Variants in RPS6KC1 observed in about 807,000 individuals in gnomAD.
The protein encoded by RPS6KC1 is ribosomal protein S6 kinase C1.
RPS6KC1 carries 54 observed loss-of-function variants against 103.8 expected under a neutral mutation model. The ratio of observed to expected loss-of-function variants is 0.52; its 90% CI spans 0.42 to 0.65. RPS6KC1 has a LOEUF of 0.65. Among genes scored for constraint, RPS6KC1 ranks in the 30% least tolerant of loss-of-function variants. RPS6KC1 has a pLI of 0.00. For missense variants in RPS6KC1, 1,151 were observed against 1,253.8 expected (o/e 0.92, Z 1.24); for synonymous variants, 439 against 438.7 (o/e 1.00, Z -0.01).
chr1:213,515,534 A>G, the RPS6KC1 span, among the ~76,000 whole-genome samples: 1 of 152,048 alleles, frequency 6.6e-6, no homozygotes, highest in Non-Finnish European at 1.5e-5. Context: ...AAGATCAGAT[A>G]GTTGTAGATA....
chr1:213,799,485 C>G, the RPS6KC1 span, among the ~76,000 whole-genome samples: 1 of 152,070 alleles, frequency 6.6e-6, no homozygotes, highest in African/African-American at 2.4e-5. Flanking sequence ...GGTCTTATTA[C>G]TAAACTATAT....
chr1:213,375,199 A>G, the RPS6KC1 span, among the ~76,000 whole-genome samples: 1 of 152,012 alleles, frequency 6.6e-6, no homozygotes, highest in East Asian at 1.9e-4. Context: ...ACATACACAT[A>G]TACACATATA....
At chr1:213,654,027 C>G in the RPS6KC1 span, among the ~76,000 whole-genome samples, 2 of 152,254 alleles carry the variant, frequency 1.3e-5, no homozygotes, top group African/African-American at 4.8e-5. Flanking sequence ...ATAGACCCTA[C>G]AGCCCCCATT....
chr1:213,407,084 G>A, the RPS6KC1 span, among the ~76,000 whole-genome samples: 16,963 of 152,126 alleles, frequency 0.11, 1,304 homozygotes, highest in Non-Finnish European at 0.17. Context: ...GGTCCTACCC[G>A]GAGGCCTGAC....
chr1:213,607,726 C>CAA, the RPS6KC1 span, among the ~76,000 whole-genome samples: 2 of 149,416 alleles, frequency 1.3e-5, no homozygotes, highest in African/African-American at 2.5e-5. Context: ...CACACACACA[C>CAA]AAAATAAATA....
At chr1:213,629,772 A>G in the RPS6KC1 span, among the ~76,000 whole-genome samples, 1 of 152,110 alleles carries the variant, frequency 6.6e-6, no homozygotes, top group Non-Finnish European at 1.5e-5. Context: ...CTTTTAGGGC[A>G]GGCCTGGTGG....
the RPS6KC1 span, among the ~76,000 whole-genome samples, chr1:213,713,890 G>A: frequency 2.0e-5 from 3 of 152,074 alleles, no homozygotes; most frequent in Non-Finnish European, 4.4e-5. Context: ...AATTTCATTG[G>A]TGCTTTCTGA....
chr1:213,712,045 C>G, the RPS6KC1 span, among the ~76,000 whole-genome samples: 1 of 152,200 alleles, frequency 6.6e-6, no homozygotes, highest in Non-Finnish European at 1.5e-5. Context: ...AAGCGCTGTG[C>G]CGGTACATCC....
the RPS6KC1 span, among the ~76,000 whole-genome samples, chr1:213,743,277 A>C: frequency 1.3e-5 from 2 of 152,222 alleles, no homozygotes; most frequent in East Asian, 3.9e-4. Flanking sequence ...TAAGCAAATT[A>C]GCACAGGAAT....
chr1:213,238,277 G>A (rs552001836), intron 10 of RPS6KC1, among the ~76,000 whole-genome samples: 13 of 152,214 alleles, frequency 8.5e-5, no homozygotes, highest in African/African-American at 2.9e-4. Flanking sequence ...TTCAAGAATA[G>A]GTAAGATTTT....
chr1:213,826,829 T>A, the RPS6KC1 span, among the ~76,000 whole-genome samples: 4 of 152,180 alleles, frequency 2.6e-5, no homozygotes, highest in Non-Finnish European at 5.9e-5. Flanking sequence ...CATAGAAAAG[T>A]TAAGCATCTT....
the RPS6KC1 span, among the ~76,000 whole-genome samples, chr1:213,668,342 C>T: frequency 2.0e-5 from 3 of 152,162 alleles, no homozygotes; most frequent in East Asian, 1.9e-4. Flanking sequence ...ATCAGCTTTC[C>T]GGTGACAAGG....
chr1:213,374,623 G>A, the RPS6KC1 span, among the ~76,000 whole-genome samples: 22 of 152,226 alleles, frequency 1.4e-4, 1 homozygote. Context: ...AAATGGCAAT[G>A]ACTTTGAGAA....
chr1:213,406,835 C>A, the RPS6KC1 span, among the ~76,000 whole-genome samples: 1 of 152,240 alleles, frequency 6.6e-6, no homozygotes, highest in South Asian at 2.1e-4. Context: ...GAGTATCGTG[C>A]CACATTGTTA....
At chr1:213,737,328 C>G in the RPS6KC1 span, among the ~76,000 whole-genome samples, 1 of 152,134 alleles carries the variant, frequency 6.6e-6, no homozygotes, top group African/African-American at 2.4e-5. Context: ...TGTTTCCAGT[C>G]ACATTGGGGA....
chr1:213,665,199 A>AAAC, the RPS6KC1 span, among the ~76,000 whole-genome samples: 64,958 of 150,966 alleles, frequency 0.43, 14,196 homozygotes, highest in South Asian at 0.52. Context: ...AAACAAGCAA[A>AAAC]AACAACAACA....
the RPS6KC1 span, among the ~76,000 whole-genome samples, chr1:213,580,334 A>G: frequency 1.3e-5 from 2 of 152,126 alleles, no homozygotes; most frequent in South Asian, 2.1e-4. Flanking sequence ...AATTGCTGCA[A>G]TCTTATGATA....
At chr1:213,646,772 A>G in the RPS6KC1 span, among the ~76,000 whole-genome samples, 1 of 152,048 alleles carries the variant, frequency 6.6e-6, no homozygotes, top group East Asian at 1.9e-4. Flanking sequence ...TGGGGAAGGC[A>G]TTGAATCCCC....
At chr1:213,360,652 G>GT in the RPS6KC1 span, among the ~76,000 whole-genome samples, 2 of 152,134 alleles carry the variant, frequency 1.3e-5, no homozygotes, top group Non-Finnish European at 2.9e-5. Context: ...AGAATTTTCA[G>GT]TTTTTTCTGT....
Sources: gnomAD v4.1 joint callset for allele counts (sites outside exome capture counted in the v4.1 genomes callset) on GRCh38, gnomAD v4.1.1 for gene constraint, MANE v1.5 for transcripts, NCBI Gene and HGNC (gene_info 2026-07-23, HGNC 2026-07-21) for gene names.